The following CAMKMT variants were observed in gnomAD, a reference collection of about 807,000 sequenced individuals.
CAMKMT encodes CaM KMT.
Under a neutral mutation model 48.0 loss-of-function variants are expected in CAMKMT, and 53 were observed. The observed-to-expected ratio is 1.10, with a 90% CI of 0.89 to 1.39. The LOEUF (loss-of-function observed/expected upper bound fraction) is 1.39, where lower values mean the gene tolerates loss of function less well. Ranked by LOEUF, CAMKMT falls within the 40% of genes most tolerant of loss-of-function variation. CAMKMT has a pLI of 0.00. For synonymous variants in CAMKMT, 165 were observed against 152.3 expected (o/e 1.08, Z -0.61); for missense variants, 428 against 402.7 (o/e 1.06, Z -0.54).
intron 10 of CAMKMT, among the ~76,000 whole-genome samples, chr2:44,770,971 C>T (rs1326831396): frequency 1.3e-5 from 2 of 152,186 alleles, no homozygotes; most frequent in Non-Finnish European, 2.9e-5. Context: ...TTATGTTCCC[C>T]AGCGGAAAAG....
At chr2:44,419,671 G>T (rs761857570) in intron 3 of CAMKMT, among the ~76,000 whole-genome samples, 2 of 152,166 alleles carry the variant, frequency 1.3e-5, no homozygotes, top group Non-Finnish European at 2.9e-5. Flanking sequence ...GAACTTCTGG[G>T]CTCAAGTAAT....
chr2:44,486,370 G>T (rs1669217947), intron 3 of CAMKMT, among the ~76,000 whole-genome samples: 1 of 152,184 alleles, frequency 6.6e-6, no homozygotes, highest in Admixed American at 6.5e-5. Flanking sequence ...AAAAAGAGAG[G>T]TAACAGAAGT....
chr2:44,411,137 T>C (rs1413426540), intron 3 of CAMKMT, among the ~76,000 whole-genome samples: 1 of 152,260 alleles, frequency 6.6e-6, no homozygotes, highest in Non-Finnish European at 1.5e-5. Flanking sequence ...AATACTTCTC[T>C]TGTTTGAACA....
At chr2:44,601,408 A>G in intron 3 of CAMKMT, among the ~76,000 whole-genome samples, 1 of 152,122 alleles carries the variant, frequency 6.6e-6, no homozygotes, top group Non-Finnish European at 1.5e-5. Flanking sequence ...GTGAGCCAAG[A>G]TTGCGCCATT....
intron 2 of CAMKMT, among the ~76,000 whole-genome samples, chr2:44,386,738 A>G (rs903600771): frequency 6.6e-6 from 1 of 152,110 alleles, no homozygotes; most frequent in Non-Finnish European, 1.5e-5. Context: ...CAGTTCGAAG[A>G]ATTTTTTAAT....
intron 3 of CAMKMT, among the ~76,000 whole-genome samples, chr2:44,534,010 A>G (rs997167401): frequency 6.6e-6 from 1 of 152,228 alleles, no homozygotes; most frequent in Non-Finnish European, 1.5e-5. Context: ...AGACATGTAT[A>G]GACTGTAAGT....
intron 3 of CAMKMT, among the ~76,000 whole-genome samples, chr2:44,559,881 C>A (rs1668232947): frequency 6.6e-6 from 1 of 152,222 alleles, no homozygotes; most frequent in African/African-American, 2.4e-5. Context: ...GATAAAAAAG[C>A]TTCTCTATGT....
chr2:44,435,318 A>T (rs1666164598), intron 3 of CAMKMT, among the ~76,000 whole-genome samples: 2 of 152,152 alleles, frequency 1.3e-5, no homozygotes, highest in Admixed American at 6.5e-5. Context: ...ATCATTGTGG[A>T]TTATTTATTG....
intron 3 of CAMKMT, among the ~76,000 whole-genome samples, chr2:44,401,473 A>G (rs1682370841): frequency 6.6e-6 from 1 of 151,986 alleles, no homozygotes; most frequent in African/African-American, 2.4e-5. Context: ...AGGTGAATCT[A>G]TTGAACCCGG....
At chr2:44,670,513 A>T (rs1354403495) in intron 3 of CAMKMT, among the ~76,000 whole-genome samples, 1 of 152,088 alleles carries the variant, frequency 6.6e-6, no homozygotes, top group African/African-American at 2.4e-5. Context: ...TTAGTTGGGC[A>T]TGCTGGTGCA....
At chr2:44,475,069 G>A (rs1209673775) in intron 3 of CAMKMT, among the ~76,000 whole-genome samples, 1 of 152,182 alleles carries the variant, frequency 6.6e-6, no homozygotes, top group African/African-American at 2.4e-5. Flanking sequence ...GTTGAAAAGA[G>A]TCAAAATGTA....
chr2:44,654,001 A>G (rs1674227729), intron 3 of CAMKMT, among the ~76,000 whole-genome samples: 3 of 152,194 alleles, frequency 2.0e-5, no homozygotes, highest in Non-Finnish European at 1.5e-5. Flanking sequence ...TTTGCCGTGT[A>G]TTTTAATTGA....
chr2:44,679,832 G>A (rs1573059858), intron 3 of CAMKMT, among the ~76,000 whole-genome samples: 2 of 152,232 alleles, frequency 1.3e-5, no homozygotes, highest in South Asian at 4.1e-4. Context: ...CAGGCTGACT[G>A]TGCAGGATGA....
At chr2:44,606,427 C>T (rs1671286678) in intron 3 of CAMKMT, among the ~76,000 whole-genome samples, 1 of 152,074 alleles carries the variant, frequency 6.6e-6, no homozygotes, top group African/African-American at 2.4e-5. Flanking sequence ...GATTCCCACT[C>T]AATGTTGGAA....
intron 3 of CAMKMT, among the ~76,000 whole-genome samples, chr2:44,506,580 G>T (rs1482554293): frequency 6.6e-6 from 1 of 152,028 alleles, no homozygotes; most frequent in Non-Finnish European, 1.5e-5. Flanking sequence ...TTATGTTCTG[G>T]TCGGACAGAA....
chr2:44,682,494 C>CTAATGATTAG, intron 3 of CAMKMT, among the ~76,000 whole-genome samples: 1 of 152,218 alleles, frequency 6.6e-6, no homozygotes, highest in East Asian at 1.9e-4. Flanking sequence ...AAGAAGAAAC[C>CTAATGATTAG]CATTCTCCCT....
At chr2:44,390,554 G>C (rs1681240129) in intron 3 of CAMKMT, among the ~76,000 whole-genome samples, 1 of 151,770 alleles carries the variant, frequency 6.6e-6, no homozygotes, top group Admixed American at 6.6e-5. Flanking sequence ...GAGGGAGAGA[G>C]AGAGGGAGAT....
intron 9 of CAMKMT, among the ~76,000 whole-genome samples, chr2:44,754,927 A>T (rs1265262072): frequency 6.6e-6 from 1 of 152,092 alleles, no homozygotes; most frequent in East Asian, 1.9e-4. Flanking sequence ...CAGTATTAAT[A>T]CAGTCGAAGA....
In CAMKMT at chr2:44,727,890, G is replaced by T. The variant is rs548390377; in HGVS notation, c.623+12537G>T. Among the ~76,000 whole-genome samples, 6 of 152,242 alleles carry T rather than the reference G, an allele frequency of 3.9e-5. No individual in the cohort carries two copies. In the East Asian group the frequency reaches 9.7e-4, roughly 25 times the overall value. On this transcript the variant is annotated intron_variant, in intron 7 of 10. Coordinates refer to ENST00000378494, the MANE Select transcript of CAMKMT (RefSeq NM_024766.5). ...TCATATGGTTTTTGCTTTTGATTCT[G>T]TTTATGTGGTGAACCACATTTATTG... is the stretch of plus-strand genomic sequence containing the variant.
Sources: gnomAD v4.1 joint callset for allele counts (sites outside exome capture counted in the v4.1 genomes callset) on GRCh38, gnomAD v4.1.1 for gene constraint, MANE v1.5 for transcripts, NCBI Gene and HGNC (gene_info 2026-07-23, HGNC 2026-07-21) for gene names.